The following LYPLAL1 variants were observed in gnomAD, a reference collection of about 807,000 sequenced individuals.
LYPLAL1 encodes lysophospholipase like 1.
A neutral mutation model predicts 19.7 loss-of-function variants in LYPLAL1; 23 were observed. The observed-to-expected ratio is 1.17, with a 90% CI of 0.84 to 1.65. The LOEUF is 1.65. Ranked by LOEUF, LYPLAL1 falls within the 40% of genes most tolerant of loss-of-function variation. The pLI is 0.00. For synonymous variants in LYPLAL1, 119 were observed against 96.3 expected, an observed-to-expected ratio of 1.24 and a Z score of -1.38; for missense variants, 355 against 279.4, an observed-to-expected ratio of 1.27 and a Z score of -1.93.
the LYPLAL1 span, among the ~76,000 whole-genome samples, chr1:219,288,720 T>C: frequency 2.6e-5 from 4 of 152,160 alleles, no homozygotes; most frequent in African/African-American, 9.7e-5. Context: ...TGGTGGGAGA[T>C]GTTGACAATG....
At chr1:219,413,785 A>C in the LYPLAL1 span, among the ~76,000 whole-genome samples, 5 of 152,356 alleles carry the variant, frequency 3.3e-5, no homozygotes, top group South Asian at 1.0e-3. Flanking sequence ...CTGATCAGGC[A>C]CAGGCCACGT....
intron 2 of LYPLAL1, among the ~76,000 whole-genome samples, chr1:219,180,210 G>C: frequency 6.6e-6 from 1 of 152,110 alleles, no homozygotes; most frequent in East Asian, 1.9e-4. Flanking sequence ...GTCTGGAACT[G>C]TTGACCTGAG....
At chr1:219,220,169 G>C in the LYPLAL1 span, among the ~76,000 whole-genome samples, 15 of 152,084 alleles carry the variant, frequency 9.9e-5, no homozygotes, top group African/African-American at 1.7e-4. Flanking sequence ...AGGGACTAGA[G>C]CATTTAAAAA....
In LYPLAL1 at chr1:219,212,416, A is replaced by G. The variant is rs540934849; in HGVS notation, c.*688A>G. The G allele has an allele frequency of 4.6e-5, 7 of 152,186 alleles. No homozygotes were observed. Among genetic ancestry groups the G allele is most frequent in the Non-Finnish European group, 1.0e-4 (7 of 67,948 alleles). The allele number at this position is 152,186 out of a possible 1,614,324, so 9.4% of individuals were successfully genotyped here. On this transcript the variant is annotated 3_prime_UTR_variant, in exon 5 of 5. Coordinates refer to ENST00000366928, the MANE Select transcript of LYPLAL1 (RefSeq NM_138794.5). ...TGGATTTTTGTTGAGATTTAAATAA[A>G]TAGCCAAAAGCCAATACATAATAAA...
the LYPLAL1 span, among the ~76,000 whole-genome samples, chr1:219,280,530 T>C: frequency 6.6e-6 from 1 of 152,184 alleles, no homozygotes; most frequent in African/African-American, 2.4e-5. Flanking sequence ...TTTTCACATT[T>C]ATTGGAATCA....
chr1:219,334,523 A>G, the LYPLAL1 span, among the ~76,000 whole-genome samples: 1 of 81,358 alleles, frequency 1.2e-5, no homozygotes, highest in Non-Finnish European at 2.4e-5. Flanking sequence ...CATAATGAAG[A>G]GGGGTGTGTG....
chr1:219,189,958 T>TA (rs1165817822), intron 2 of LYPLAL1, among the ~76,000 whole-genome samples: 2 of 151,596 alleles, frequency 1.3e-5, no homozygotes, highest in Non-Finnish European at 3.0e-5. Context: ...GAGGGGAACT[T>TA]ACCTTACACA....
At chr1:219,232,538 A>C in the LYPLAL1 span, among the ~76,000 whole-genome samples, 1 of 152,204 alleles carries the variant, frequency 6.6e-6, no homozygotes, top group East Asian at 1.9e-4. Context: ...GATGGATTAG[A>C]CTACATCAAA....
the LYPLAL1 span, among the ~76,000 whole-genome samples, chr1:219,365,947 A>T: frequency 6.6e-6 from 1 of 152,214 alleles, no homozygotes; most frequent in Non-Finnish European, 1.5e-5. Flanking sequence ...AATAAAAAAT[A>T]TCAAGATGAT....
chr1:219,260,970 T>C, the LYPLAL1 span, among the ~76,000 whole-genome samples: 2 of 152,102 alleles, frequency 1.3e-5, no homozygotes, highest in Non-Finnish European at 2.9e-5. Context: ...TTTTAAAACA[T>C]GCCTTTCAAT....
At chr1:219,375,424 G>T in the LYPLAL1 span, among the ~76,000 whole-genome samples, 1 of 142,184 alleles carries the variant, frequency 7.0e-6, no homozygotes, top group African/African-American at 2.6e-5. Context: ...CAGGATCGCA[G>T]CACTGCACTC....
At chr1:219,233,450 AC>A in the LYPLAL1 span, among the ~76,000 whole-genome samples, 13 of 152,208 alleles carry the variant, frequency 8.5e-5, no homozygotes, top group African/African-American at 3.1e-4. Flanking sequence ...AACATACTAA[AC>A]TATACACTTA....
chr1:219,242,853 C>T, the LYPLAL1 span, among the ~76,000 whole-genome samples: 1 of 152,088 alleles, frequency 6.6e-6, no homozygotes, highest in African/African-American at 2.4e-5. Flanking sequence ...TTTTTGGTTG[C>T]ATTTACAGTG....
At chr1:219,316,792 G>T in the LYPLAL1 span, among the ~76,000 whole-genome samples, 3 of 151,862 alleles carry the variant, frequency 2.0e-5, no homozygotes, top group Non-Finnish European at 4.4e-5. Flanking sequence ...TAAGCCAGTC[G>T]CAAAAAGGCA....
chr1:219,333,962 A>T, the LYPLAL1 span, among the ~76,000 whole-genome samples: 3 of 152,042 alleles, frequency 2.0e-5, no homozygotes, highest in African/African-American at 4.8e-5. Context: ...AGAAAGATTG[A>T]CATAGGGCAA....
At chr1:219,259,181 C>T in the LYPLAL1 span, among the ~76,000 whole-genome samples, 34 of 151,838 alleles carry the variant, frequency 2.2e-4, no homozygotes, top group Non-Finnish European at 8.8e-5. Context: ...TAAACTAGTA[C>T]AACCACTATG....
the LYPLAL1 span, among the ~76,000 whole-genome samples, chr1:219,264,341 G>T: frequency 6.6e-6 from 1 of 152,120 alleles, no homozygotes; most frequent in African/African-American, 2.4e-5. Flanking sequence ...AGAGTTTCTG[G>T]TCAGTTGAAA....
chr1:219,196,275 T>G (rs1214596918), intron 3 of LYPLAL1, among the ~76,000 whole-genome samples: 1 of 152,182 alleles, frequency 6.6e-6, no homozygotes, highest in South Asian at 2.1e-4. Flanking sequence ...ATCCTTGAAC[T>G]AATTAACATT....
intron 2 of LYPLAL1, among the ~76,000 whole-genome samples, chr1:219,190,726 C>T (rs954626005): frequency 1.4e-5 from 2 of 145,150 alleles, no homozygotes; most frequent in Non-Finnish European, 3.0e-5. Context: ...AAATATTTGT[C>T]AATAATAGAC....
Sources: allele counts gnomAD v4.1 joint callset (sites outside exome capture counted in the v4.1 genomes callset), GRCh38; gene constraint gnomAD v4.1.1; transcripts MANE v1.5; gene names NCBI Gene and HGNC (gene_info 2026-07-23, HGNC 2026-07-21).